Variants in ITGA2 observed in about 807,000 individuals in gnomAD.
ITGA2 encodes integrin alpha-2.
Under a neutral mutation model 146.3 loss-of-function variants are expected in ITGA2, and 101 were observed. That is an observed-to-expected ratio of 0.69 (90% CI 0.59 to 0.81). The LOEUF is 0.81. ITGA2 is among the 40% of genes least tolerant of loss of function. The pLI is 0.00. For missense variants in ITGA2, 1,281 were observed against 1,402.7 expected (o/e 0.91, Z 1.39); for synonymous variants, 477 against 487.1 (o/e 0.98, Z 0.27).
intron 28 of ITGA2, among the ~76,000 whole-genome samples, chr5:53,088,804 T>C (rs1458643973): frequency 6.6e-6 from 1 of 151,900 alleles, no homozygotes; most frequent in Non-Finnish European, 1.5e-5. Flanking sequence ...ATCTAAACAA[T>C]AATTTGGATA....
chr5:53,053,484 G>T (rs1744485524), intron 7 of ITGA2, among the ~76,000 whole-genome samples: 1 of 152,114 alleles, frequency 6.6e-6, no homozygotes, highest in Non-Finnish European at 1.5e-5. Flanking sequence ...GTTAGAAACT[G>T]CAACGGCCCG....
At position 53,058,093 on chromosome 5, in the gene ITGA2, T is replaced by C; in HGVS notation, c.1165T>C (p.Ser389Pro). ...SQVGFSADYS[S>P]QNDILMLGAV... The stretch of plus-strand genomic sequence containing the variant: ...AGTGGGATTCAGTGCAGATTACTCT[T>C]CTCAAAATGTGCGTATATCAGATAG... The change falls in exon 10 of 30, where the codon TCT becomes CCT. Residue 389 changes from serine to proline, a missense_variant. Ser to Pro is a moderately conservative substitution (Grantham distance 74, BLOSUM62 -1). Around this residue, in one of 3 missense-constraint regions of ITGA2, gnomAD observed 795 missense variants for 841.7 expected, o/e 0.94. Transcript: ENST00000296585. 6.2e-7 allele frequency: 1 copy of C among 1,609,410 alleles called. No individual in the cohort carries two copies. The highest frequency in any genetic ancestry group is 1.1e-5 in the South Asian group (1 of 90,990).
chr5:53,090,157 T>G, intron 29 of ITGA2, 95 bp downstream of exon 29: 1 of 791,718 alleles, frequency 1.3e-6, no homozygotes, highest in Non-Finnish European at 2.2e-6. Context: ...TATGGTACCT[T>G]CTCTATCACA....
intron 25 of ITGA2, 50 bp from the exon 26 acceptor site, chr5:53,081,542 T>G (rs1745915369): frequency 7.3e-7 from 1 of 1,369,684 alleles, no homozygotes; most frequent in Non-Finnish European, 1.0e-6. Context: ...GAAAGGAACA[T>G]CATAAACTGT....
Position 53,045,052 on chromosome 5 carries a change from G to C in ITGA2, c.347G>C (p.Gly116Ala), listed in dbSNP as rs934279886. ...GAGATGAAAACCAACATGAGCCTCG[G>C]CTTGATCCTCACCAGGAACATGGGA... ...VTEMKTNMSL[G>A]LILTRNMGTG... The change falls in exon 4 of 30, where the codon GGC becomes GCC. Residue 116 changes from glycine (G) to alanine (A), a missense_variant. Physicochemically the swap from Gly to Ala is moderately conservative, Grantham distance 60. Around this residue, in one of 3 missense-constraint regions of ITGA2, gnomAD observed 795 missense variants for 841.7 expected, o/e 0.94. Transcript: ENST00000296585. 2 of 1,613,846 alleles carry C rather than the reference G, an allele frequency of 1.2e-6. No homozygotes were observed. The highest frequency in any genetic ancestry group is 1.3e-5 in the African/African-American group (1 of 74,924).
At chr5:53,001,951 T>A (rs914225077) in intron 1 of ITGA2, among the ~76,000 whole-genome samples, 2 of 152,124 alleles carry the variant, frequency 1.3e-5, no homozygotes, top group African/African-American at 2.4e-5. Context: ...TTTCTTGCAA[T>A]TTTTCAGTGA....
intron 19 of ITGA2, 79 bp downstream of exon 19, chr5:53,072,774 T>C: frequency 8.2e-7 from 1 of 1,212,896 alleles, no homozygotes; most frequent in East Asian, 2.5e-5. Context: ...CGAATGTTTA[T>C]AGAGTTTTTC....
In ITGA2 at chr5:53,078,756, A is replaced by C. The variant is rs746092841; in HGVS notation, c.2826-16A>C. 1.4e-6 allele frequency: 2 copies of C among 1,477,756 alleles called. No homozygotes were observed. Among genetic ancestry groups the C allele is most frequent in the East Asian group, 2.3e-5 (1 of 44,058 alleles). The allele number at this position is 1,477,756 out of a possible 1,614,324, so 91.5% of individuals were successfully genotyped here. A position where few individuals can be genotyped will look rare whatever the true frequency, so the allele number is the denominator to read the frequency against. On this transcript the variant is annotated splice_polypyrimidine_tract_variant and intron_variant, in intron 23 of 29. Transcript: ENST00000296585. ...AGCAAACTAAAATATTTGGCTTTAC[A>C]AACATCATCCAACAGATCTACCAAC...
At chr5:53,026,603 G>T in intron 1 of ITGA2, 145 bp from the exon 2 acceptor site, 1 of 709,356 alleles carries the variant, frequency 1.4e-6, no homozygotes. Flanking sequence ...TACTTAAAAA[G>T]CAGTAGTTAT....
At chr5:53,020,086 G>GT (rs1193038623) in intron 1 of ITGA2, among the ~76,000 whole-genome samples, 1 of 152,072 alleles carries the variant, frequency 6.6e-6, no homozygotes, top group Non-Finnish European at 1.5e-5. Flanking sequence ...GGATAAGAGA[G>GT]AATTAATGTA....
intron 23 of ITGA2, among the ~76,000 whole-genome samples, chr5:53,076,198 G>A (rs1471215925): frequency 6.6e-6 from 1 of 151,970 alleles, no homozygotes; most frequent in Non-Finnish European, 1.5e-5. Flanking sequence ...ACCTGGTGAA[G>A]CAATAGGACA....
chr5:53,066,021 G>T (rs1029986466), intron 15 of ITGA2, 44 bp downstream of exon 15: 1 of 1,576,878 alleles, frequency 6.3e-7, no homozygotes, highest in Admixed American at 1.7e-5. Context: ...AAAATTACCT[G>T]CTAAGAAAGC....
chr5:53,001,009 C>G (rs573728921), intron 1 of ITGA2, among the ~76,000 whole-genome samples: 3 of 142,840 alleles, frequency 2.1e-5, no homozygotes, highest in South Asian at 4.7e-4. Flanking sequence ...TCAAGCGATT[C>G]TCCTGCCTCA....
At chr5:53,085,332 A>T (rs3212630) in intron 27 of ITGA2, among the ~76,000 whole-genome samples, 2 of 152,138 alleles carry the variant, frequency 1.3e-5, no homozygotes, top group Admixed American at 1.3e-4. Context: ...TGTAGGGAGA[A>T]GCCTTGTTGA....
rs560597166 is a variant in ITGA2, at chr5:53,059,395, G to T, written c.1174-479G>T. Among the ~76,000 whole-genome samples, 295 of 152,026 alleles carry T rather than the reference G, an allele frequency of 1.9e-3. 1 individual carries two copies. Among genetic ancestry groups the T allele is most frequent in the African/African-American group, 6.9e-3 (287 of 41,526 alleles). On this transcript the variant is annotated intron_variant, in intron 10 of 29. Coordinates refer to ENST00000296585, the MANE Select transcript of ITGA2 (RefSeq NM_002203.4). ...AAGCTGAAAGTAGAACAGGTCAGAA[G>T]AGGGCCTCCCGAGCCGTGTCTGGGA...
At chr5:53,034,599 A>C (rs924853939) in intron 2 of ITGA2, among the ~76,000 whole-genome samples, 1 of 152,142 alleles carries the variant, frequency 6.6e-6, no homozygotes, top group Non-Finnish European at 1.5e-5. Context: ...AATGATCTAT[A>C]AAAATCCTCC....
At chr5:53,077,152 C>T (rs1745699230) in intron 23 of ITGA2, among the ~76,000 whole-genome samples, 1 of 152,060 alleles carries the variant, frequency 6.6e-6, no homozygotes, top group African/African-American at 2.4e-5. Flanking sequence ...TGAGGACATA[C>T]AGATCTAACT....
intron 4 of ITGA2, among the ~76,000 whole-genome samples, chr5:53,047,499 T>C (rs1324237375): frequency 6.6e-6 from 1 of 152,204 alleles, no homozygotes; most frequent in Non-Finnish European, 1.5e-5. Context: ...CATTCAGCGT[T>C]AGTGACTGCA....
chr5:53,050,609 T>C (rs974136194), intron 6 of ITGA2, among the ~76,000 whole-genome samples: 44 of 152,186 alleles, frequency 2.9e-4, no homozygotes, highest in African/African-American at 7.2e-4. Context: ...GAGCCTCTTA[T>C]TGCCATTCAG....
Sources: gnomAD v4.1 joint callset for allele counts (sites outside exome capture counted in the v4.1 genomes callset) on GRCh38, gnomAD v4.1.1 for gene constraint, gnomAD v4.1.1 regional missense constraint, MANE v1.5 for transcripts, NCBI Gene and HGNC (gene_info 2026-07-23, HGNC 2026-07-21) for gene names.